The following FTCDNL1 variants were observed in gnomAD, a reference collection of about 807,000 sequenced individuals.
FTCDNL1 encodes formiminotransferase N-terminal subdomain-containing protein.
A neutral mutation model predicts 5.9 loss-of-function variants in FTCDNL1; 11 were observed. The observed-to-expected ratio is 1.87, with a 90% CI of 1.18 to 3.10. The LOEUF is 3.10. FTCDNL1 is among the 30% of genes most tolerant of loss of function. FTCDNL1 has a pLI of 0.00. For synonymous variants in FTCDNL1, 58 were observed against 24.8 expected (o/e 2.34, Z -3.99); for missense variants, 115 against 65.5 (o/e 1.76, Z -2.61).
At chr2:199,694,566 C>T in the FTCDNL1 span, among the ~76,000 whole-genome samples, 1 of 152,190 alleles carries the variant, frequency 6.6e-6, no homozygotes, top group Non-Finnish European at 1.5e-5. Context: ...AGACTCACAC[C>T]TGTAATCCAA....
intron 3 of FTCDNL1, among the ~76,000 whole-genome samples, chr2:199,794,136 T>C (rs1460186125): frequency 2.0e-5 from 3 of 152,212 alleles, no homozygotes; most frequent in Admixed American, 6.5e-5. Flanking sequence ...TGAATAGTAA[T>C]GGATATTAAT....
rs1046585025 is a variant in FTCDNL1 at position 199,798,738 on chromosome 2, G to A, written c.212-37903C>T. On this transcript the variant is annotated intron_variant, in intron 3 of 3. Transcript: ENST00000416668. ...AACCACTTGGTGACAAGACAACAAT[G>A]AGCAGGAATCATGCTAACAATCTTA... 4.6e-5 allele frequency among the ~76,000 whole-genome samples: 7 copies of A among 152,294 alleles called. No homozygotes were observed. The South Asian group carries it at 1.2e-3, about 27-fold the overall frequency.
chr2:199,763,641 C>G (rs980094542), intron 3 of FTCDNL1, among the ~76,000 whole-genome samples: 3 of 151,948 alleles, frequency 2.0e-5, no homozygotes, highest in African/African-American at 7.3e-5. Context: ...ATTTGAATGC[C>G]GAGACTATTT....
At chr2:199,744,345 T>C in the FTCDNL1 span, among the ~76,000 whole-genome samples, 1 of 151,196 alleles carries the variant, frequency 6.6e-6, no homozygotes, top group Non-Finnish European at 1.5e-5. Context: ...GTCAGAAGAG[T>C]GGGGCCCTAA....
At chr2:199,799,050 T>C (rs759038409) in intron 3 of FTCDNL1, among the ~76,000 whole-genome samples, 4 of 152,114 alleles carry the variant, frequency 2.6e-5, no homozygotes, top group Admixed American at 6.5e-5. Flanking sequence ...CACACCAGCC[T>C]CCAAAATCAC....
chr2:199,789,148 C>A (rs556647289), intron 3 of FTCDNL1, among the ~76,000 whole-genome samples: 2 of 151,946 alleles, frequency 1.3e-5, no homozygotes, highest in Admixed American at 1.3e-4. Context: ...TTTTATATTA[C>A]AGCAATTACA....
At chr2:199,683,925 C>T in the FTCDNL1 span, among the ~76,000 whole-genome samples, 1 of 152,208 alleles carries the variant, frequency 6.6e-6, no homozygotes, top group Non-Finnish European at 1.5e-5. Context: ...TTTGTGCATT[C>T]ATTAATCGGC....
chr2:199,804,171 T>A (rs1162532004), intron 3 of FTCDNL1, among the ~76,000 whole-genome samples: 1 of 152,200 alleles, frequency 6.6e-6, no homozygotes, highest in African/African-American at 2.4e-5. Flanking sequence ...GGATCCTAGC[T>A]AAACTACATC....
intron 3 of FTCDNL1, among the ~76,000 whole-genome samples, chr2:199,825,379 C>T (rs2140486): frequency 0.83 from 125,643 of 152,000 alleles, 52,030 homozygotes; most frequent in Admixed American, 0.89. Context: ...TGGAATGGGG[C>T]GGGGCTAGAG....
chr2:199,803,232 AT>A (rs1215935826), intron 3 of FTCDNL1, among the ~76,000 whole-genome samples: 2 of 151,604 alleles, frequency 1.3e-5, no homozygotes, highest in Admixed American at 1.3e-4. Context: ...GAAATTTTAA[AT>A]GAGGAAAGAG....
chr2:199,776,876 C>T (rs1005517844), intron 3 of FTCDNL1, among the ~76,000 whole-genome samples: 19 of 148,840 alleles, frequency 1.3e-4, no homozygotes, highest in African/African-American at 3.2e-4. Flanking sequence ...TCTATGTATA[C>T]GTATGTATAG....
At chr2:199,715,284 T>A in the FTCDNL1 span, among the ~76,000 whole-genome samples, 17 of 152,208 alleles carry the variant, frequency 1.1e-4, no homozygotes, top group Non-Finnish European at 2.5e-4. Flanking sequence ...TTTGGCTGTG[T>A]CCCCACCCAA....
the FTCDNL1 span, among the ~76,000 whole-genome samples, chr2:199,699,231 T>C: frequency 1.3e-5 from 2 of 151,902 alleles, no homozygotes; most frequent in East Asian, 3.9e-4. Context: ...CTTTGGGAGG[T>C]CAAGGCAAGC....
downstream of FTCDNL1, among the ~76,000 whole-genome samples, chr2:199,755,780 A>G (rs1207218379): frequency 1.3e-5 from 2 of 152,288 alleles, no homozygotes; most frequent in Non-Finnish European, 2.9e-5. Flanking sequence ...CCATTTCCTC[A>G]TCTATAAATA....
chr2:199,785,074 C>T (rs1475551223), intron 3 of FTCDNL1, among the ~76,000 whole-genome samples: 7 of 152,058 alleles, frequency 4.6e-5, no homozygotes, highest in Admixed American at 3.9e-4. Context: ...AGGTTTGTTG[C>T]TCACCCCGTT....
At chr2:199,797,760 A>G (rs1445416233) in intron 3 of FTCDNL1, among the ~76,000 whole-genome samples, 1 of 152,234 alleles carries the variant, frequency 6.6e-6, no homozygotes, top group Non-Finnish European at 1.5e-5. Context: ...AAGACTCCAT[A>G]GAATAAATTA....
the FTCDNL1 span, among the ~76,000 whole-genome samples, chr2:199,742,675 A>G: frequency 2.6e-4 from 40 of 152,212 alleles, no homozygotes; most frequent in Non-Finnish European, 4.4e-4. Flanking sequence ...CATCTTACAG[A>G]TGAGGAAATC....
At chr2:199,802,288 G>A (rs1360633286) in intron 3 of FTCDNL1, among the ~76,000 whole-genome samples, 3 of 152,182 alleles carry the variant, frequency 2.0e-5, no homozygotes, top group Non-Finnish European at 2.9e-5. Context: ...CTAGGATAAT[G>A]ATAAATCTGC....
In FTCDNL1 at chr2:199,770,026, C is replaced by T. The variant is rs529553192; in HGVS notation, c.212-9191G>A. Among the ~76,000 whole-genome samples the T allele has an allele frequency of 1.1e-4, 17 of 152,246 alleles. No homozygotes were observed. In the East Asian group the frequency reaches 1.9e-3, roughly 17 times the overall value. On this transcript the variant is annotated intron_variant, in intron 3 of 3. Coordinates refer to the FTCDNL1 transcript ENST00000416668. The stretch of plus-strand genomic sequence containing the variant: ...CCTCATGCTTGTGCAACTACACTGA[C>T]GTCTCCCATCTGATGTTCTCTAAGC...
Sources: allele counts gnomAD v4.1 joint callset (sites outside exome capture counted in the v4.1 genomes callset), GRCh38; gene constraint gnomAD v4.1.1; transcripts MANE v1.5; gene names NCBI Gene and HGNC (gene_info 2026-07-23, HGNC 2026-07-21).